GRIK4: variants seen among roughly 807,000 people sequenced by gnomAD.
GRIK4 encodes glutamate ionotropic receptor kainate type subunit 4.
Under a neutral mutation model 104.9 loss-of-function variants are expected in GRIK4, and 40 were observed. The ratio of observed to expected loss-of-function variants is 0.38; its 90% CI spans 0.30 to 0.50. The LOEUF (loss-of-function observed/expected upper bound fraction) is 0.50, where lower values mean the gene tolerates loss of function less well. GRIK4 is among the 20% of genes least tolerant of loss of function. GRIK4 has a pLI of 0.93. For synonymous variants in GRIK4, 485 were observed against 524.9 expected (o/e 0.92, Z 1.04); for missense variants, 1,047 against 1,308.1 (o/e 0.80, Z 3.08).
In GRIK4 at chr11:120,950,215, G is replaced by A. The variant is rs115629530; in HGVS notation, c.1591-2640G>A. ...CCCATTCCTTGCTCTTCTGGTTGGC[G>A]TCAGTCAATCACAAGTAGAATCAGA... On this transcript the variant is annotated intron_variant, in intron 14 of 20. Coordinates refer to ENST00000527524, the MANE Select transcript of GRIK4 (RefSeq NM_014619.5). Among the ~76,000 whole-genome samples the A allele has an allele frequency of 7.4e-3, 1,129 of 152,296 alleles. 17 individuals carry two copies. The highest frequency in any genetic ancestry group is 0.026 in the African/African-American group (1,071 of 41,562).
At chr11:120,854,378 C>A (rs1353168026) in intron 8 of GRIK4, among the ~76,000 whole-genome samples, 1 of 152,192 alleles carries the variant, frequency 6.6e-6, no homozygotes, top group Non-Finnish European at 1.5e-5. Flanking sequence ...AGTGAAGAGG[C>A]TGCAAATAGG....
chr11:120,624,404 G>T (rs1460278417), intron 1 of GRIK4, among the ~76,000 whole-genome samples: 1 of 152,072 alleles, frequency 6.6e-6, no homozygotes, highest in Non-Finnish European at 1.5e-5. Flanking sequence ...TGGCCCCAAA[G>T]CTAGGCTCTA....
chr11:120,740,796 G>A (rs1951314259), intron 3 of GRIK4, among the ~76,000 whole-genome samples: 1 of 152,090 alleles, frequency 6.6e-6, no homozygotes, highest in African/African-American at 2.4e-5. Context: ...AAAGTACAAT[G>A]GCCTCTCCCA....
intron 3 of GRIK4, among the ~76,000 whole-genome samples, chr11:120,709,549 G>T (rs945816156): frequency 2.0e-5 from 3 of 152,262 alleles, no homozygotes; most frequent in African/African-American, 2.4e-5. Flanking sequence ...GAAAATAAAA[G>T]GTCAGTTTGA....
intron 3 of GRIK4, among the ~76,000 whole-genome samples, chr11:120,767,366 G>T (rs990939741): frequency 1.3e-5 from 2 of 152,018 alleles, no homozygotes; most frequent in East Asian, 3.9e-4. Flanking sequence ...CCATCTGTTT[G>T]GTCCTTTGCC....
At chr11:120,925,979 A>G (rs1387667557) in intron 13 of GRIK4, among the ~76,000 whole-genome samples, 1 of 152,004 alleles carries the variant, frequency 6.6e-6, no homozygotes, top group East Asian at 1.9e-4. Context: ...ATCTCAAAAA[A>G]AAAAAAAGAA....
rs71301639 is a variant in GRIK4 at position 120,580,196 on chromosome 11, GTTCTTTCTTTCTTTCTTTCT to G, written c.-159+68348_-159+68367del. 7.4e-3 allele frequency among the ~76,000 whole-genome samples: 988 copies of G among 133,202 alleles called. 7 individuals carry two copies. Among genetic ancestry groups the G allele is most frequent in the African/African-American group, 0.01 (351 of 34,294 alleles). The allele number at this position is 133,202 out of a possible 152,430, so 87.4% of individuals were successfully genotyped here. A position where few individuals can be genotyped will look rare whatever the true frequency, so the allele number is the denominator to read the frequency against. ...CTGTTCTACACATTTGAGTACAAGG[GTTCTTTCTTTCTTTCTTTCT>G]TTCTTTCTTTCTTTCTTTCTTTCTT... On this transcript the variant is annotated intron_variant, in intron 1 of 20. Transcript: ENST00000527524.
chr11:120,878,048 C>T (rs1281177622), intron 11 of GRIK4, among the ~76,000 whole-genome samples: 2 of 152,194 alleles, frequency 1.3e-5, no homozygotes, highest in African/African-American at 4.8e-5. Flanking sequence ...AGCCCTGAGG[C>T]CAGAGGACTG....
chr11:120,577,704 C>T (rs1407957934), intron 1 of GRIK4, among the ~76,000 whole-genome samples: 1 of 152,180 alleles, frequency 6.6e-6, no homozygotes, highest in Non-Finnish European at 1.5e-5. Flanking sequence ...AATCCCTGCC[C>T]TCCTGTCTTC....
intron 9 of GRIK4, chr11:120,869,517 G>T (rs1334694700): frequency 6.6e-6 from 1 of 152,310 alleles, no homozygotes; most frequent in Non-Finnish European, 1.5e-5. Context: ...AGATGCCAAA[G>T]AACATTGCCA....
intron 3 of GRIK4, among the ~76,000 whole-genome samples, chr11:120,701,766 A>G (rs552605274): frequency 3.3e-5 from 5 of 152,272 alleles, no homozygotes; most frequent in African/African-American, 1.2e-4. Flanking sequence ...AGGGAGATCC[A>G]TTTAGGAGGC....
rs1413495598 is a variant in GRIK4 at position 120,943,152 on chromosome 11, C to CACACACACACACACACA, written c.1590+2692_1590+2693insACACACACACACACACA. The stretch of plus-strand genomic sequence containing the variant: ...CACACACACACACACACACACACAC[C>CACACACACACACACACA]CCCCTGACTGTTTGGTGAGGATTCC... On this transcript the variant is annotated intron_variant, in intron 14 of 20. Coordinates refer to ENST00000527524, the MANE Select transcript of GRIK4 (RefSeq NM_014619.5). Among the ~76,000 whole-genome samples, 306 of 95,490 alleles carry CACACACACACACACACA rather than the reference C, an allele frequency of 3.2e-3. 1 individual carries two copies. The highest frequency in any genetic ancestry group is 0.011 in the East Asian group (33 of 3,114). The allele number at this position is 95,490 out of a possible 152,430, so 62.6% of individuals were successfully genotyped here. A position where few individuals can be genotyped will look rare whatever the true frequency, so the allele number is the denominator to read the frequency against.
intron 20 of GRIK4, 93 bp from the exon 21 acceptor site, chr11:120,985,811 C>T (rs1403575982): frequency 1.4e-5 from 16 of 1,128,052 alleles, no homozygotes; most frequent in East Asian, 2.6e-5. Context: ...ATTCTGTGAC[C>T]GCTGCCCCCT....
At chr11:120,610,134 G>C (rs1291497074) in intron 1 of GRIK4, among the ~76,000 whole-genome samples, 1 of 152,102 alleles carries the variant, frequency 6.6e-6, no homozygotes, top group Non-Finnish European at 1.5e-5. Flanking sequence ...CGGAGCAGGA[G>C]TCTCTCATTC....
chr11:120,751,240 C>T (rs1054284350), intron 3 of GRIK4, among the ~76,000 whole-genome samples: 1 of 151,884 alleles, frequency 6.6e-6, no homozygotes, highest in African/African-American at 2.4e-5. Flanking sequence ...AGAGCCTTGC[C>T]AGTGGGAAGC....
intron 14 of GRIK4, among the ~76,000 whole-genome samples, chr11:120,942,263 C>A (rs1943743429): frequency 6.6e-6 from 1 of 152,154 alleles, no homozygotes; most frequent in South Asian, 2.1e-4. Flanking sequence ...GAACCCAGGC[C>A]CCTTAACTCC....
chr11:120,637,517 G>T (rs751216498), intron 1 of GRIK4, among the ~76,000 whole-genome samples: 1 of 152,146 alleles, frequency 6.6e-6, no homozygotes, highest in Non-Finnish European at 1.5e-5. Context: ...TTTACAGAGC[G>T]CCTGGATACG....
intron 11 of GRIK4, chr11:120,894,780 G>A (rs1446904533): frequency 6.6e-6 from 1 of 152,288 alleles, no homozygotes; most frequent in African/African-American, 2.4e-5. Context: ...TGTCAGTGAT[G>A]AAAGAGCTAT....
chr11:120,622,430 C>A (rs1036421666), intron 1 of GRIK4, among the ~76,000 whole-genome samples: 3 of 152,196 alleles, frequency 2.0e-5, no homozygotes. Context: ...ATGCCTTTAA[C>A]CACTGGGCAG....
Sources: gnomAD v4.1 joint callset for allele counts (sites outside exome capture counted in the v4.1 genomes callset) on GRCh38, gnomAD v4.1.1 for gene constraint, MANE v1.5 for transcripts, NCBI Gene and HGNC (gene_info 2026-07-23, HGNC 2026-07-21) for gene names.